Variants in TSPAN18 observed in about 807,000 individuals in gnomAD.
TSPAN18 encodes tetraspanin-18.
A neutral mutation model predicts 27.3 loss-of-function variants in TSPAN18; 14 were observed. The ratio of observed to expected loss-of-function variants is 0.51; its 90% CI spans 0.34 to 0.80. The LOEUF (loss-of-function observed/expected upper bound fraction) is 0.80. TSPAN18 is among the 30% of genes least tolerant of loss of function. TSPAN18 has a pLI of 0.01. For missense variants in TSPAN18, 268 were observed against 323.9 expected, an observed-to-expected ratio of 0.83 and a Z score of 1.32; for synonymous variants, 143 against 136.5, an observed-to-expected ratio of 1.05 and a Z score of -0.33.
At chr11:44,728,540 G>T (rs1854575343) in intron 1 of TSPAN18, among the ~76,000 whole-genome samples, 1 of 152,090 alleles carries the variant, frequency 6.6e-6, no homozygotes, top group Admixed American at 6.5e-5. Context: ...GGGCGGTGGG[G>T]GATGGGGCCT....
chr11:44,818,518 G>T (rs527732926), intron 2 of TSPAN18, among the ~76,000 whole-genome samples: 6 of 152,134 alleles, frequency 3.9e-5, no homozygotes, highest in African/African-American at 1.2e-4. Context: ...GTGGCCCAGC[G>T]TCCTGCATTT....
At chr11:44,898,365 G>A (rs998179851) in intron 3 of TSPAN18, among the ~76,000 whole-genome samples, 10 of 152,144 alleles carry the variant, frequency 6.6e-5, no homozygotes, top group Admixed American at 5.2e-4. Flanking sequence ...AACCTTTGAC[G>A]ATTAAGAACT....
In TSPAN18 at chr11:44,926,726, G is replaced by A. The variant is rs750903556; in HGVS notation, c.668G>A (p.Gly223Glu). 3.1e-6 allele frequency: 5 copies of A among 1,614,026 alleles called. No individual in the cohort carries two copies. The African/African-American group carries it at 5.3e-5, about 17-fold the overall frequency. The change falls in exon 9 of 10, where the codon GGA becomes GAA. Residue 223 changes from glycine to glutamate, a missense_variant. Transcript: ENST00000520358. ...TTCGAGACCTACGTCTACTTGGCCG[G>A]AGCCCTTGCCATCGGGGTACTGGCC... The part of the protein sequence containing the change: ...NTFETYVYLA[G>E]ALAIGVLAIE...
chr11:44,790,348 GGT>G lies in TSPAN18; in HGVS notation c.-153+25844_-153+25845del, dbSNP rs369409654. 3.8e-3 allele frequency among the ~76,000 whole-genome samples: 545 copies of G among 144,650 alleles called. 3 individuals are homozygous for G. Among genetic ancestry groups the G allele is most frequent in the African/African-American group, 0.012 (452 of 38,760 alleles). The allele number at this position is 144,650 out of a possible 152,430, so 94.9% of individuals were successfully genotyped here. The stretch of plus-strand genomic sequence containing the variant: ...TTGTGCACGCATGTGTGCATGTGTT[GGT>G]GTGTGTGGGTGCGTGCATGTTTGTG... On this transcript the variant is annotated intron_variant, in intron 2 of 9. Coordinates refer to ENST00000520358, the MANE Select transcript of TSPAN18 (RefSeq NM_130783.5).
chr11:44,887,406 T>G (rs543202817), intron 3 of TSPAN18, among the ~76,000 whole-genome samples: 43 of 152,344 alleles, frequency 2.8e-4, no homozygotes, highest in African/African-American at 1.0e-3. Context: ...TTGGAGCTCC[T>G]CAGCAGTGGT....
intron 2 of TSPAN18, among the ~76,000 whole-genome samples, chr11:44,835,436 CT>C: frequency 6.6e-6 from 1 of 152,274 alleles, no homozygotes; most frequent in East Asian, 1.9e-4. Context: ...AAGCTGAGAT[CT>C]TCTTCGTATT....
chr11:44,889,580 G>A (rs1240353257), intron 3 of TSPAN18, among the ~76,000 whole-genome samples: 1 of 152,238 alleles, frequency 6.6e-6, no homozygotes, highest in African/African-American at 2.4e-5. Flanking sequence ...AGGGGGCAGA[G>A]GCCAAGAGCC....
intron 3 of TSPAN18, chr11:44,903,389 G>T: frequency 2.3e-6 from 1 of 436,418 alleles, no homozygotes; most frequent in Non-Finnish European, 4.6e-6. Context: ...GTGGTGATAG[G>T]AAAGTCAGGG....
At chr11:44,759,235 C>T (rs531797999) in intron 1 of TSPAN18, among the ~76,000 whole-genome samples, 1 of 152,178 alleles carries the variant, frequency 6.6e-6, no homozygotes, top group Non-Finnish European at 1.5e-5. Flanking sequence ...TTCTTCAGCA[C>T]CTGGGTCAGC....
At chr11:44,756,717 T>C (rs1855341813) in intron 1 of TSPAN18, among the ~76,000 whole-genome samples, 4 of 152,220 alleles carry the variant, frequency 2.6e-5, no homozygotes, top group African/African-American at 7.2e-5. Context: ...ATTTTCAAGG[T>C]TCATCTATGT....
chr11:44,861,805 A>T (rs903755978), intron 3 of TSPAN18, among the ~76,000 whole-genome samples: 4 of 148,856 alleles, frequency 2.7e-5, no homozygotes, highest in Non-Finnish European at 4.5e-5. Context: ...ACACACACAC[A>T]CACACACACA....
intron 2 of TSPAN18, among the ~76,000 whole-genome samples, chr11:44,853,016 T>A (rs1296472637): frequency 6.6e-6 from 1 of 152,242 alleles, no homozygotes; most frequent in Non-Finnish European, 1.5e-5. Flanking sequence ...GTTCGTGCTA[T>A]ACTAACGCCC....
intron 5 of TSPAN18, among the ~76,000 whole-genome samples, chr11:44,910,644 T>C (rs879638700): frequency 2.0e-5 from 3 of 152,254 alleles, no homozygotes; most frequent in Admixed American, 6.5e-5. Flanking sequence ...CCCTTGTAGA[T>C]ATGCAATTCT....
At chr11:44,773,761 T>A (rs1855742725) in intron 2 of TSPAN18, among the ~76,000 whole-genome samples, 1 of 152,138 alleles carries the variant, frequency 6.6e-6, no homozygotes, top group African/African-American at 2.4e-5. Flanking sequence ...CCAGGTAGTC[T>A]CCAGGTGGAA....
chr11:44,873,853 G>C (rs1018797925), intron 3 of TSPAN18, among the ~76,000 whole-genome samples: 7 of 152,188 alleles, frequency 4.6e-5, no homozygotes, highest in African/African-American at 1.7e-4. Context: ...TATCTGTGAA[G>C]GGAGCTGGCA....
At chr11:44,743,592 G>A (rs1283107692) in intron 1 of TSPAN18, among the ~76,000 whole-genome samples, 7 of 152,324 alleles carry the variant, frequency 4.6e-5, no homozygotes, top group South Asian at 2.1e-4. Flanking sequence ...TTGAGGCCTC[G>A]TGGGAAGATG....
At chr11:44,772,716 T>C (rs1227630327) in intron 2 of TSPAN18, among the ~76,000 whole-genome samples, 1 of 152,212 alleles carries the variant, frequency 6.6e-6, no homozygotes, top group Non-Finnish European at 1.5e-5. Context: ...TGGAGTGCAA[T>C]GGCGCCATCT....
At chr11:44,764,898 G>C (rs931778251) in intron 2 of TSPAN18, among the ~76,000 whole-genome samples, 4 of 152,204 alleles carry the variant, frequency 2.6e-5, no homozygotes, top group African/African-American at 9.6e-5. Context: ...GTGATAAGGA[G>C]ATCGCTTCCT....
intron 2 of TSPAN18, among the ~76,000 whole-genome samples, chr11:44,799,822 T>C (rs1450094219): frequency 6.6e-6 from 1 of 152,104 alleles, no homozygotes; most frequent in Non-Finnish European, 1.5e-5. Context: ...TTTATTAGAA[T>C]GCTTGGCAAG....
Sources: allele counts gnomAD v4.1 joint callset (sites outside exome capture counted in the v4.1 genomes callset), GRCh38; gene constraint gnomAD v4.1.1; transcripts MANE v1.5; gene names NCBI Gene and HGNC (gene_info 2026-07-23, HGNC 2026-07-21).